TANGO6: variants seen among roughly 807,000 people sequenced by gnomAD.
TANGO6 encodes the protein transport and Golgi organization protein 6 homolog.
In TANGO6, 90 loss-of-function variants were observed where a neutral mutation model predicts 114.2. The observed-to-expected ratio is 0.79, with a 90% CI of 0.66 to 0.94. The LOEUF (loss-of-function observed/expected upper bound fraction) is 0.94, where lower values mean the gene tolerates loss of function less well. TANGO6 is among the 40% of genes least tolerant of loss of function. The pLI, the probability that TANGO6 is intolerant of heterozygous loss-of-function variation, is 0.00. For synonymous variants in TANGO6, 477 were observed against 509.8 expected (o/e 0.94, Z 0.87); for missense variants, 1,274 against 1,315.3 (o/e 0.97, Z 0.49).
In TANGO6 at chr16:68,913,531, C is replaced by A. The variant is rs144007229; in HGVS notation, c.1992+4129C>A. 4.9e-3 allele frequency among the ~76,000 whole-genome samples: 734 copies of A among 150,766 alleles called. 38 individuals carry two copies. Among genetic ancestry groups the A allele is most frequent in the Admixed American group, 0.043 (644 of 15,098 alleles). ...TGAAGCGATTCTTGTGCCTCAGCCT[C>A]CCGAGTAGCTAGGATTATAGGCACC... On this transcript the variant is annotated intron_variant, in intron 11 of 17. Coordinates refer to ENST00000261778, the MANE Select transcript of TANGO6 (RefSeq NM_024562.2).
chr16:68,885,938 T>C (rs1375109719), intron 7 of TANGO6, among the ~76,000 whole-genome samples: 1 of 152,190 alleles, frequency 6.6e-6, no homozygotes, highest in Non-Finnish European at 1.5e-5. Context: ...ATATTGTAAC[T>C]GTATGTTTAA....
intron 9 of TANGO6, among the ~76,000 whole-genome samples, chr16:68,903,573 G>C (rs570939912): frequency 7.2e-6 from 1 of 138,178 alleles, no homozygotes; most frequent in South Asian, 2.3e-4. Flanking sequence ...AGCTGGGATC[G>C]TACCACTGCA....
chr16:68,882,463 C>G (rs4783691), intron 7 of TANGO6, among the ~76,000 whole-genome samples: 4,068 of 151,764 alleles, frequency 0.027, 73 homozygotes, highest in Non-Finnish European at 0.042. Flanking sequence ...CACCACTGCA[C>G]TCCAGCCTGG....
At chr16:68,851,543 T>C (rs1961902899) in intron 1 of TANGO6, among the ~76,000 whole-genome samples, 1 of 152,242 alleles carries the variant, frequency 6.6e-6, no homozygotes. Flanking sequence ...TATAGCTGCA[T>C]AGTTTATTCA....
At chr16:69,003,902 A>T (rs1212164127) in intron 15 of TANGO6, among the ~76,000 whole-genome samples, 1 of 150,814 alleles carries the variant, frequency 6.6e-6, no homozygotes, top group Admixed American at 6.6e-5. Context: ...ATAACTTTCT[A>T]CTCATCTCTT....
At chr16:69,019,479 G>A (rs371025612) in intron 15 of TANGO6, among the ~76,000 whole-genome samples, 3 of 152,196 alleles carry the variant, frequency 2.0e-5, no homozygotes, top group African/African-American at 4.8e-5. Flanking sequence ...TGTATGGAAG[G>A]TACATTGTGC....
At chr16:69,070,154 G>A (rs1960275647) in intron 17 of TANGO6, among the ~76,000 whole-genome samples, 1 of 151,760 alleles carries the variant, frequency 6.6e-6, no homozygotes, top group South Asian at 2.1e-4. Flanking sequence ...GTTGCAGTGA[G>A]CCGAGATCGT....
At chr16:69,053,947 C>A (rs1397740540) in intron 17 of TANGO6, among the ~76,000 whole-genome samples, 1 of 152,100 alleles carries the variant, frequency 6.6e-6, no homozygotes, top group Non-Finnish European at 1.5e-5. Flanking sequence ...GGCCTGTAAT[C>A]CCAGCTAATC....
intron 15 of TANGO6, among the ~76,000 whole-genome samples, chr16:69,020,828 T>C (rs1959387860): frequency 6.6e-6 from 1 of 151,574 alleles, no homozygotes. Context: ...GCCCAGGAGA[T>C]TGAGGCTGCA....
At chr16:68,873,809 C>T (rs1739406119) in intron 4 of TANGO6, among the ~76,000 whole-genome samples, 1 of 152,118 alleles carries the variant, frequency 6.6e-6, no homozygotes, top group Non-Finnish European at 1.5e-5. Flanking sequence ...AGTTAAGTTA[C>T]TTGGAATTAG....
intron 1 of TANGO6, among the ~76,000 whole-genome samples, chr16:68,848,000 A>C (rs1961841431): frequency 9.5e-6 from 1 of 105,404 alleles, no homozygotes; most frequent in Admixed American, 9.0e-5. Flanking sequence ...ACTCCATCAC[A>C]AAAAAAAAAA....
chr16:68,945,549 G>A (rs1234351217), intron 14 of TANGO6, among the ~76,000 whole-genome samples: 3 of 152,140 alleles, frequency 2.0e-5, no homozygotes, highest in Admixed American at 6.6e-5. Context: ...CTTTCACATA[G>A]CCACCCTAAT....
At chr16:69,063,749 A>G (rs886074202) in intron 17 of TANGO6, among the ~76,000 whole-genome samples, 1 of 148,460 alleles carries the variant, frequency 6.7e-6, no homozygotes, top group African/African-American at 2.5e-5. Flanking sequence ...TTCAGAGGCA[A>G]TGGTATTCAC....
intron 9 of TANGO6, among the ~76,000 whole-genome samples, chr16:68,906,291 C>A (rs1350565566): frequency 1.3e-5 from 2 of 152,104 alleles, no homozygotes; most frequent in Non-Finnish European, 2.9e-5. Context: ...TTTTCTGAAC[C>A]TTTATGCATT....
intron 15 of TANGO6, among the ~76,000 whole-genome samples, chr16:68,987,849 A>C (rs1205160922): frequency 3.9e-5 from 6 of 152,198 alleles, no homozygotes; most frequent in Admixed American, 3.9e-4. Context: ...TCCTGAGTGC[A>C]TTGTGGGAAA....
intron 14 of TANGO6, among the ~76,000 whole-genome samples, chr16:68,965,375 C>T (rs976124905): frequency 3.3e-5 from 5 of 152,088 alleles, no homozygotes; most frequent in African/African-American, 1.2e-4. Context: ...TCATTTTCCC[C>T]CTCTTTCTAC....
chr16:68,957,066 G>A (rs148249872), intron 14 of TANGO6, among the ~76,000 whole-genome samples: 111 of 152,084 alleles, frequency 7.3e-4, no homozygotes, highest in African/African-American at 2.4e-3. Context: ...CCTAGACCTC[G>A]AAGAATCCTC....
At chr16:68,937,771 T>A (rs970036593) in intron 14 of TANGO6, 18 of 152,366 alleles carry the variant, frequency 1.2e-4, no homozygotes, top group African/African-American at 3.6e-4. Flanking sequence ...ATGTTTTATT[T>A]ATCCAGCTCA....
At chr16:68,964,055 T>C (rs538916535) in intron 14 of TANGO6, among the ~76,000 whole-genome samples, 2 of 152,114 alleles carry the variant, frequency 1.3e-5, no homozygotes, top group Admixed American at 6.6e-5. Flanking sequence ...TGTTCTACTT[T>C]GAAAGACAAA....
Sources: allele counts gnomAD v4.1 joint callset (sites outside exome capture counted in the v4.1 genomes callset), GRCh38; gene constraint gnomAD v4.1.1; transcripts MANE v1.5; gene names NCBI Gene and HGNC (gene_info 2026-07-23, HGNC 2026-07-21).